The following FAM81B variants were observed in gnomAD, a reference collection of about 807,000 sequenced individuals.
The protein encoded by FAM81B is protein FAM81B.
A neutral mutation model predicts 58.7 loss-of-function variants in FAM81B; 60 were observed. The observed-to-expected ratio is 1.02, with a 90% CI of 0.83 to 1.27. FAM81B has a LOEUF of 1.27. FAM81B is among the 50% of genes most tolerant of loss of function. FAM81B has a pLI of 0.00. For missense variants in FAM81B, 491 were observed against 522.0 expected, an observed-to-expected ratio of 0.94 and a Z score of 0.58; for synonymous variants, 189 against 179.6, an observed-to-expected ratio of 1.05 and a Z score of -0.42.
chr5:95,448,533 T>C (rs1745672549), intron 9 of FAM81B, 69 bp downstream of exon 9: 2 of 1,420,066 alleles, frequency 1.4e-6, no homozygotes, highest in Non-Finnish European at 1.9e-6. Context: ...GTCTTCCACT[T>C]TGAGCTAATG....
intron 9 of FAM81B, 56 bp downstream of exon 9, chr5:95,448,520 TCA>T: frequency 6.7e-7 from 1 of 1,493,752 alleles, no homozygotes. Flanking sequence ...GTTCAATCCC[TCA>T]GTCTTCCACT....
rs765587914 is a variant in FAM81B, at chr5:95,446,519, T to G, written c.894-43T>G. 7 of 1,488,034 alleles carry G rather than the reference T, an allele frequency of 4.7e-6. No individual in the cohort carries two copies. In the African/African-American group the frequency reaches 1.0e-4, roughly 21 times the overall value. 92.2% of individuals were successfully genotyped at this position (1,488,034 alleles called of 1,614,324 possible). A position where few individuals can be genotyped will look rare whatever the true frequency, so the allele number is the denominator to read the frequency against. On this transcript the variant is annotated intron_variant, in intron 7 of 9. Transcript: ENST00000283357. ...TTTTTCAATACTAATTTTTTATGTTTAAATTAACTTATTTAAATGAAACAA... is the reference window on the plus strand; with the variant it reads ...TTTTTCAATACTAATTTTTTATGTTGAAATTAACTTATTTAAATGAAACAA...
chr5:95,420,458 G>A (rs564076619), intron 5 of FAM81B, 56 bp downstream of exon 5: 62 of 1,603,900 alleles, frequency 3.9e-5, no homozygotes, highest in South Asian at 8.9e-5. Flanking sequence ...CAGTGAATTC[G>A]CATTCCTAAA....
chr5:95,420,144 C>G (rs1762639202), intron 4 of FAM81B, 140 bp from the exon 5 acceptor site: 13 of 968,684 alleles, frequency 1.3e-5, no homozygotes, highest in Non-Finnish European at 2.0e-5. Context: ...GATCACTTCT[C>G]TCTGAGATAG....
At chr5:95,421,576 G>T (rs1298762929) in intron 5 of FAM81B, among the ~76,000 whole-genome samples, 2 of 151,936 alleles carry the variant, frequency 1.3e-5, no homozygotes, top group African/African-American at 4.8e-5. Flanking sequence ...TAAAGAGTTC[G>T]AACTTTATGT....
chr5:95,415,886 A>G (rs1359103726), intron 4 of FAM81B, among the ~76,000 whole-genome samples: 1 of 152,240 alleles, frequency 6.6e-6, no homozygotes, highest in Non-Finnish European at 1.5e-5. Flanking sequence ...ATTAGCAATA[A>G]GGAGAAAGTC....
intron 9 of FAM81B, among the ~76,000 whole-genome samples, chr5:95,449,894 A>T (rs961469794): frequency 6.6e-6 from 1 of 152,252 alleles, no homozygotes; most frequent in African/African-American, 2.4e-5. Context: ...AGAATTATGC[A>T]ATATATTTGA....
intron 7 of FAM81B, among the ~76,000 whole-genome samples, chr5:95,446,356 G>T (rs142443699): frequency 1.3e-5 from 2 of 152,120 alleles, no homozygotes; most frequent in Non-Finnish European, 2.9e-5. Flanking sequence ...TGTAGAGGGG[G>T]TGTTAACAGT....
intron 2 of FAM81B, among the ~76,000 whole-genome samples, chr5:95,394,976 A>G (rs1204867279): frequency 6.6e-6 from 1 of 152,188 alleles, no homozygotes; most frequent in Non-Finnish European, 1.5e-5. Flanking sequence ...CCATTATAGT[A>G]CACAGTAACA....
intron 3 of FAM81B, among the ~76,000 whole-genome samples, chr5:95,410,554 C>T (rs185738592): frequency 2.8e-4 from 43 of 152,258 alleles, no homozygotes; most frequent in African/African-American, 5.3e-4. Context: ...GCAATGGGAA[C>T]AAGCATGAAT....
In FAM81B at chr5:95,392,843, G is replaced by A; in HGVS notation, c.174G>A (p.Gln58=). The change falls in exon 2 of 10, where the codon CAG becomes CAA. Residue 58 remains glutamine (Q), a synonymous_variant. Coordinates refer to ENST00000283357, the MANE Select transcript of FAM81B (RefSeq NM_152548.3). ...SASPTATAEE[Q]PVEPDGPLPG... is the part of the protein sequence containing the mutation. ...CTCCAACTGCGACTGCAGAGGAACA[G>A]CCAGTTGAACCTGATGGCCCCCTTC... 5.0e-6 allele frequency: 8 copies of A among 1,612,624 alleles called. No individual in the cohort carries two copies. The highest frequency in any genetic ancestry group is 5.9e-6 in the Non-Finnish European group (7 of 1,179,390).
Position 95,420,269 on chromosome 5 carries a change from G to T in FAM81B, c.538-15G>T, listed in dbSNP as rs1582805581. ...GTGATGGGAAATTAATGGGAAATTT[G>T]ACTCAAAATTACAGATTTTAGAAGA... On this transcript the variant is annotated splice_polypyrimidine_tract_variant and intron_variant, in intron 4 of 9. Coordinates refer to ENST00000283357, the MANE Select transcript of FAM81B (RefSeq NM_152548.3). 4 of 1,612,852 alleles carry T rather than the reference G, an allele frequency of 2.5e-6. No homozygotes were observed. In the African/African-American group the frequency reaches 4.0e-5, roughly 16 times the overall value.
intron 6 of FAM81B, among the ~76,000 whole-genome samples, chr5:95,430,367 A>G (rs1330605784): frequency 3.7e-5 from 5 of 133,972 alleles, no homozygotes; most frequent in African/African-American, 1.5e-4. Context: ...TTCCCCCTTT[A>G]TTGCACAAAA....
intron 1 of FAM81B, 27 bp downstream of exon 1, chr5:95,391,540 A>C: frequency 6.3e-7 from 1 of 1,581,404 alleles, no homozygotes; most frequent in Non-Finnish European, 8.6e-7. Context: ...CGAGGTCTCT[A>C]AATTTCTCCT....
chr5:95,434,114 T>C (rs2152768171), intron 6 of FAM81B, among the ~76,000 whole-genome samples: 1 of 152,336 alleles, frequency 6.6e-6, no homozygotes, highest in Non-Finnish European at 1.5e-5. Context: ...ACAACACAAA[T>C]GCATTATCTC....
intron 3 of FAM81B, among the ~76,000 whole-genome samples, chr5:95,404,579 G>A (rs1436472722): frequency 6.6e-6 from 1 of 151,316 alleles, no homozygotes; most frequent in Non-Finnish European, 1.5e-5. Context: ...ACTATGTCTT[G>A]AGGCTCCAAC....
chr5:95,428,487 C>A, intron 5 of FAM81B, 116 bp from the exon 6 acceptor site: 2 of 1,274,144 alleles, frequency 1.6e-6, no homozygotes, highest in Non-Finnish European at 2.2e-6. Flanking sequence ...TATCTACCAA[C>A]TCATTCTTCA....
intron 3 of FAM81B, among the ~76,000 whole-genome samples, chr5:95,408,844 G>C (rs1762334103): frequency 6.6e-6 from 1 of 152,148 alleles, no homozygotes; most frequent in Non-Finnish European, 1.5e-5. Context: ...GTAGTGTATG[G>C]ACACGGTGGT....
At chr5:95,424,016 T>G in intron 5 of FAM81B, 1 of 1,289,144 alleles carries the variant, frequency 7.8e-7, no homozygotes, top group Admixed American at 2.3e-5. Flanking sequence ...TAGCCAAGGA[T>G]GCAACCGTGT....
Sources: gnomAD v4.1 joint callset for allele counts (sites outside exome capture counted in the v4.1 genomes callset) on GRCh38, gnomAD v4.1.1 for gene constraint, MANE v1.5 for transcripts, NCBI Gene and HGNC (gene_info 2026-07-23, HGNC 2026-07-21) for gene names.